RALGAPA2: variants seen among roughly 807,000 people sequenced by gnomAD.
RALGAPA2 encodes ral GTPase-activating protein subunit alpha-2.
Under a neutral mutation model 230.4 loss-of-function variants are expected in RALGAPA2, and 139 were observed. The observed-to-expected ratio is 0.60, with a 90% CI of 0.53 to 0.69. RALGAPA2 has a LOEUF of 0.69. Ranked by LOEUF, RALGAPA2 falls within the 30% of genes least tolerant of loss-of-function variation. RALGAPA2 has a pLI of 0.00. For synonymous variants in RALGAPA2, 847 were observed against 837.8 expected (o/e 1.01, Z -0.19); for missense variants, 2,163 against 2,276.0 (o/e 0.95, Z 1.01).
intron 37 of RALGAPA2, among the ~76,000 whole-genome samples, chr20:20,416,154 T>C (rs2060160774): frequency 6.6e-6 from 1 of 152,120 alleles, no homozygotes; most frequent in African/African-American, 2.4e-5. Flanking sequence ...TTAAATAGAA[T>C]CCTATATATG....
At chr20:20,473,002 T>A (rs752717203) in intron 36 of RALGAPA2, 46 bp from the exon 37 acceptor site, 1 of 1,559,604 alleles carries the variant, frequency 6.4e-7, no homozygotes. Context: ...CTGATAAAAG[T>A]CAAATCAAAG....
At chr20:20,452,462 C>T (rs753140058) in intron 37 of RALGAPA2, among the ~76,000 whole-genome samples, 90 of 152,312 alleles carry the variant, frequency 5.9e-4, no homozygotes, top group African/African-American at 2.0e-3. Context: ...TTACTTTATT[C>T]GGTGCCACCG....
At chr20:20,435,726 T>C (rs2060597173) in intron 37 of RALGAPA2, among the ~76,000 whole-genome samples, 1 of 152,112 alleles carries the variant, frequency 6.6e-6, no homozygotes, top group Non-Finnish European at 1.5e-5. Flanking sequence ...GGAGTCCCAG[T>C]GTGGTGAAAA....
chr20:20,654,801 T>C (rs1044958808), intron 3 of RALGAPA2, among the ~76,000 whole-genome samples: 30 of 152,174 alleles, frequency 2.0e-4, no homozygotes, highest in Non-Finnish European at 4.3e-4. Flanking sequence ...TATTTCTAGT[T>C]TTTTTGAGGA....
At chr20:20,475,457 T>C (rs1035717464) in intron 36 of RALGAPA2, among the ~76,000 whole-genome samples, 2 of 152,064 alleles carry the variant, frequency 1.3e-5, no homozygotes, top group Admixed American at 6.6e-5. Context: ...AAAATCCACA[T>C]TGACAAAATA....
intron 37 of RALGAPA2, among the ~76,000 whole-genome samples, chr20:20,436,427 G>C (rs896357009): frequency 5.3e-5 from 8 of 151,042 alleles, no homozygotes; most frequent in Admixed American, 2.6e-4. Context: ...GCTCAAACAC[G>C]TTACTTATCT....
intron 4 of RALGAPA2, among the ~76,000 whole-genome samples, chr20:20,644,581 A>AG: frequency 6.6e-6 from 1 of 152,344 alleles, no homozygotes; most frequent in Non-Finnish European, 1.5e-5. Flanking sequence ...AACTAACACT[A>AG]GGGCTTGGAG....
At chr20:20,628,563 T>A (rs889934910) in intron 10 of RALGAPA2, among the ~76,000 whole-genome samples, 1 of 152,082 alleles carries the variant, frequency 6.6e-6, no homozygotes, top group Non-Finnish European at 1.5e-5. Context: ...TACTGACACA[T>A]TGAGCCAGAT....
chr20:20,474,706 G>A (rs753768806), intron 36 of RALGAPA2, among the ~76,000 whole-genome samples: 12 of 152,208 alleles, frequency 7.9e-5, no homozygotes, highest in Non-Finnish European at 1.2e-4. Context: ...CTGGAGCTAC[G>A]TTTTCCTGAA....
At chr20:20,597,477 T>C (rs1221992176) in intron 16 of RALGAPA2, among the ~76,000 whole-genome samples, 1 of 152,200 alleles carries the variant, frequency 6.6e-6, no homozygotes, top group African/African-American at 2.4e-5. Context: ...ATATGGTATT[T>C]ACATAGCCAT....
In RALGAPA2 at chr20:20,392,991, T is replaced by G. The variant is rs1040900161; in HGVS notation, c.*298A>C. On this transcript the variant is annotated 3_prime_UTR_variant, in exon 40 of 40. Transcript: ENST00000202677. ...TGGTTTTTGGTGACTTTTTCTTTTC[T>G]TCTTTGGAAGTCCAAGGTTTGTGAG... is the stretch of plus-strand genomic sequence containing the variant. 1 of 1,105,234 alleles carries G rather than the reference T, an allele frequency of 9.0e-7. No homozygotes were observed. Among genetic ancestry groups the G allele is most frequent in the African/African-American group, 1.7e-5 (1 of 60,164 alleles). The allele number at this position is 1,105,234 out of a possible 1,614,324, so 68.5% of individuals were successfully genotyped here.
chr20:20,509,369 T>G (rs2062632820), intron 33 of RALGAPA2, among the ~76,000 whole-genome samples: 1 of 152,228 alleles, frequency 6.6e-6, no homozygotes, highest in African/African-American at 2.4e-5. Context: ...ACATTTAAAA[T>G]GGCAATGGAG....
chr20:20,637,541 A>T (rs1172072443), intron 7 of RALGAPA2, 40 bp from the exon 8 acceptor site: 1 of 1,497,162 alleles, frequency 6.7e-7, no homozygotes, highest in Non-Finnish European at 9.0e-7. Flanking sequence ...GTATATTTAT[A>T]TTTCAAATTA....
chr20:20,512,382 TTAAAA>T (rs1351114465), intron 32 of RALGAPA2, 126 bp downstream of exon 32: 2 of 983,970 alleles, frequency 2.0e-6, no homozygotes, highest in Non-Finnish European at 2.9e-6. Context: ...GCTGCAAATG[TTAAAA>T]TAAAGAAAAA....
At chr20:20,474,718 T>C (rs2061613255) in intron 36 of RALGAPA2, among the ~76,000 whole-genome samples, 1 of 152,172 alleles carries the variant, frequency 6.6e-6, no homozygotes, top group South Asian at 2.1e-4. Flanking sequence ...TTTCCTGAAA[T>C]GGAGAAGACT....
Position 20,398,862 on chromosome 20 carries a change from A to C in RALGAPA2, c.5618-2128T>G, listed in dbSNP as rs2059772756. On this transcript the variant is annotated intron_variant, in intron 38 of 39. Coordinates refer to ENST00000202677, the MANE Select transcript of RALGAPA2 (RefSeq NM_020343.4). The surrounding 1 kb of genome is among the most constrained non-coding windows in gnomAD (Gnocchi z 4.5). Reference sequence around the variant, plus strand: ...CCAGGGGATCTGGGAGAAAAGTTACAGCATGCAGTCTAATGAGGGGATATC... The same window carrying C: ...CCAGGGGATCTGGGAGAAAAGTTACCGCATGCAGTCTAATGAGGGGATATC... Among the ~76,000 whole-genome samples, 1 of 152,192 alleles carries C rather than the reference A, an allele frequency of 6.6e-6. No homozygotes were observed. Among genetic ancestry groups the C allele is most frequent in the Admixed American group, 6.5e-5 (1 of 15,280 alleles).
chr20:20,584,617 A>G (rs1239419925), intron 19 of RALGAPA2, among the ~76,000 whole-genome samples: 1 of 152,126 alleles, frequency 6.6e-6, no homozygotes, highest in East Asian at 1.9e-4. Context: ...TCATCTCTAT[A>G]AAAAATAGAA....
At chr20:20,562,509 C>T (rs964436960) in intron 23 of RALGAPA2, among the ~76,000 whole-genome samples, 5 of 152,102 alleles carry the variant, frequency 3.3e-5, no homozygotes, top group African/African-American at 7.2e-5. Flanking sequence ...TATTAGATAC[C>T]GGAAGATTTT....
At chr20:20,533,418 T>C (rs1040725902) in intron 26 of RALGAPA2, among the ~76,000 whole-genome samples, 2 of 152,126 alleles carry the variant, frequency 1.3e-5, no homozygotes, top group African/African-American at 4.8e-5. Context: ...ACTACAAACA[T>C]GTAAAATATT....
Sources: allele counts gnomAD v4.1 joint callset (sites outside exome capture counted in the v4.1 genomes callset), GRCh38; gene constraint gnomAD v4.1.1; non-coding constraint Gnocchi (gnomAD v3.1); transcripts MANE v1.5; gene names NCBI Gene and HGNC (gene_info 2026-07-23, HGNC 2026-07-21).